NUP93: variants seen among roughly 807,000 people sequenced by gnomAD.
The protein encoded by NUP93 is nuclear pore complex protein Nup93.
A neutral mutation model predicts 107.8 loss-of-function variants in NUP93; 55 were observed. That is an observed-to-expected ratio of 0.51 (90% CI 0.41 to 0.64). NUP93 has a LOEUF of 0.64. Among genes scored for constraint, NUP93 ranks in the 30% least tolerant of loss-of-function variants. NUP93 has a pLI of 0.00. For missense variants in NUP93, 937 were observed against 1,044.7 expected (o/e 0.90, Z 1.42); for synonymous variants, 390 against 397.5 (o/e 0.98, Z 0.22).
chr16:56,746,158 C>T (rs1961817363), intron 1 of NUP93, among the ~76,000 whole-genome samples: 1 of 149,704 alleles, frequency 6.7e-6, no homozygotes, highest in Admixed American at 6.7e-5. Flanking sequence ...AAATAATGGG[C>T]GGAGGGGTGG....
chr16:56,839,799 C>T, intron 20 of NUP93, 195 bp downstream of exon 20: 1 of 555,382 alleles, frequency 1.8e-6, no homozygotes, highest in Non-Finnish European at 3.2e-6. Flanking sequence ...AGATTATTGT[C>T]TGAATTCCTA....
At chr16:56,810,746 C>G (rs1219902239) in intron 5 of NUP93, among the ~76,000 whole-genome samples, 2 of 92,410 alleles carry the variant, frequency 2.2e-5, no homozygotes, top group African/African-American at 6.8e-5. Flanking sequence ...CCCAGAAATC[C>G]TCTTTGTGGT....
At chr16:56,746,493 T>G (rs1961822742) in intron 1 of NUP93, among the ~76,000 whole-genome samples, 1 of 152,260 alleles carries the variant, frequency 6.6e-6, no homozygotes, top group African/African-American at 2.4e-5. Context: ...GTACGTGAAT[T>G]TTTGTTGAAG....
At chr16:56,811,281 G>T (rs1963310279) in intron 5 of NUP93, among the ~76,000 whole-genome samples, 1 of 152,152 alleles carries the variant, frequency 6.6e-6, no homozygotes, top group Non-Finnish European at 1.5e-5. Flanking sequence ...GATGTTTTCT[G>T]TCTTTTTAAA....
intron 1 of NUP93, among the ~76,000 whole-genome samples, chr16:56,738,367 T>C (rs542866842): frequency 3.3e-5 from 5 of 152,240 alleles, no homozygotes; most frequent in Non-Finnish European, 7.3e-5. Flanking sequence ...TCTTTGCTCA[T>C]TGAAGAGGAA....
chr16:56,767,580 C>G (rs1267864166), intron 3 of NUP93, among the ~76,000 whole-genome samples: 1 of 152,074 alleles, frequency 6.6e-6, no homozygotes, highest in Non-Finnish European at 1.5e-5. Context: ...AAAAAATAGT[C>G]TATTTTAAAA....
intron 5 of NUP93, among the ~76,000 whole-genome samples, chr16:56,815,230 A>G (rs1429706456): frequency 1.3e-5 from 2 of 152,138 alleles, no homozygotes; most frequent in Non-Finnish European, 2.9e-5. Context: ...TCTCCTTTTC[A>G]TTTCCTTGTT....
chr16:56,732,415 G>C (rs1181755506), intron 1 of NUP93, among the ~76,000 whole-genome samples: 1 of 152,206 alleles, frequency 6.6e-6, no homozygotes, highest in Non-Finnish European at 1.5e-5. Flanking sequence ...AGCCTGTGGA[G>C]GGTACCACTA....
chr16:56,762,795 C>T (rs1364544998), intron 3 of NUP93, among the ~76,000 whole-genome samples: 2 of 152,038 alleles, frequency 1.3e-5, no homozygotes, highest in Non-Finnish European at 2.9e-5. Context: ...AGGGGAGACT[C>T]CTTCCTCTTC....
chr16:56,829,243 A>G, intron 9 of NUP93, 134 bp downstream of exon 9: 1 of 1,111,932 alleles, frequency 9.0e-7, no homozygotes, highest in East Asian at 2.4e-5. Context: ...TGAGGACAGA[A>G]GGTAAAGACC....
intron 3 of NUP93, among the ~76,000 whole-genome samples, chr16:56,797,660 G>C (rs1241055476): frequency 6.6e-6 from 1 of 152,144 alleles, no homozygotes; most frequent in Non-Finnish European, 1.5e-5. Flanking sequence ...AAATCTAATC[G>C]ATCCTAATAA....
chr16:56,744,569 A>C (rs981652268), intron 1 of NUP93, among the ~76,000 whole-genome samples: 1 of 152,376 alleles, frequency 6.6e-6, no homozygotes, highest in South Asian at 2.1e-4. Context: ...TTTTTCCCAA[A>C]TATAGTATTT....
chr16:56,838,899 C>T lies in NUP93; in HGVS notation c.2019-53C>T. On this transcript the variant is annotated intron_variant, in intron 18 of 21. Transcript: ENST00000308159. ...AATGCTATTCCACTGTTACGGATTACACAGAAATTCCTGATACACTCTTAC... is the reference window on the plus strand; with the variant it reads ...AATGCTATTCCACTGTTACGGATTATACAGAAATTCCTGATACACTCTTAC... The T allele has an allele frequency of 8.7e-6, 11 of 1,264,664 alleles. No individual in the cohort carries two copies. In the South Asian group the frequency reaches 9.9e-5, roughly 11 times the overall value. 78.3% of individuals were successfully genotyped at this position (1,264,664 alleles called of 1,614,324 possible).
intron 20 of NUP93, 141 bp downstream of exon 20, chr16:56,839,745 A>T: frequency 1.4e-6 from 1 of 701,796 alleles, no homozygotes; most frequent in Non-Finnish European, 2.5e-6. Flanking sequence ...GTTCCCTTTC[A>T]GATACCTTGG....
chr16:56,822,436 C>T (rs935953169), intron 7 of NUP93, among the ~76,000 whole-genome samples: 7 of 148,910 alleles, frequency 4.7e-5, no homozygotes, highest in South Asian at 2.1e-4. Context: ...TGCCTGAGTC[C>T]GGGGGGGCCC....
At chr16:56,823,624 C>G (rs1379497557) in intron 7 of NUP93, 83 bp from the exon 8 acceptor site, 20 of 1,514,430 alleles carry the variant, frequency 1.3e-5, no homozygotes, top group Non-Finnish European at 1.8e-5. Context: ...ATTCTGCCCC[C>G]TTTGGAGGTC....
Position 56,821,586 on chromosome 16 carries a change from A to G in NUP93, c.647A>G (p.Asp216Gly). ...VDLCASVAEL[D>G]DKSISDMWTM... ...CTTTGTGCTTCCGTCGCAGAGCTCGATGATAAGGTAGCACCTAGAGCTAAC... is the reference window on the plus strand; with the variant it reads ...CTTTGTGCTTCCGTCGCAGAGCTCGGTGATAAGGTAGCACCTAGAGCTAAC... The change falls in exon 7 of 22, where the codon GAT becomes GGT. Residue 216 changes from aspartate to glycine, a missense_variant. Transcript: ENST00000308159. 1 of 1,609,054 alleles carries G rather than the reference A, an allele frequency of 6.2e-7. No individual in the cohort carries two copies. Among genetic ancestry groups the G allele is most frequent in the Non-Finnish European group, 8.5e-7 (1 of 1,175,778 alleles).
intron 1 of NUP93, among the ~76,000 whole-genome samples, chr16:56,734,943 G>A (rs1312065253): frequency 1.3e-5 from 2 of 152,122 alleles, no homozygotes; most frequent in East Asian, 1.9e-4. Context: ...TTTCTGACAC[G>A]GCTGTTGCCC....
intron 13 of NUP93, 78 bp downstream of exon 13, chr16:56,833,484 A>G: frequency 8.4e-7 from 1 of 1,191,820 alleles, no homozygotes; most frequent in Middle Eastern, 2.8e-4. Flanking sequence ...ACAAAACCAC[A>G]ACCAATAAGG....
Sources: gnomAD v4.1 joint callset for allele counts (sites outside exome capture counted in the v4.1 genomes callset) on GRCh38, gnomAD v4.1.1 for gene constraint, MANE v1.5 for transcripts, NCBI Gene and HGNC (gene_info 2026-07-23, HGNC 2026-07-21) for gene names.